Variants in ELP4 observed in about 807,000 individuals in gnomAD.
ELP4 encodes elongator complex protein 4.
In ELP4, 51 loss-of-function variants were observed where a neutral mutation model predicts 48.9. The ratio of observed to expected loss-of-function variants is 1.04; its 90% CI spans 0.83 to 1.32. ELP4 has a LOEUF of 1.32. ELP4 is among the 40% of genes most tolerant of loss of function. ELP4 has a pLI of 0.00. For missense variants in ELP4, 519 were observed against 514.6 expected, an observed-to-expected ratio of 1.01 and a Z score of -0.08; for synonymous variants, 210 against 189.2, an observed-to-expected ratio of 1.11 and a Z score of -0.90.
At chr11:31,547,940 T>C (rs1956764821) in intron 3 of ELP4, among the ~76,000 whole-genome samples, 1 of 152,152 alleles carries the variant, frequency 6.6e-6, no homozygotes, top group Admixed American at 6.5e-5. Context: ...TCAACAACCC[T>C]TCATGCTAAA....
chr11:31,744,436 CAA>C (rs1342429100), intron 9 of ELP4, among the ~76,000 whole-genome samples: 1 of 151,894 alleles, frequency 6.6e-6, no homozygotes. Context: ...AGAGACACAA[CAA>C]AAAAAGAATT....
At chr11:31,629,515 T>C (rs1944814554) in intron 6 of ELP4, among the ~76,000 whole-genome samples, 2 of 152,058 alleles carry the variant, frequency 1.3e-5, no homozygotes, top group Non-Finnish European at 2.9e-5. Context: ...ATTTTTTGGC[T>C]TAATATTTTC....
intron 9 of ELP4, among the ~76,000 whole-genome samples, chr11:31,745,048 G>C (rs921945811): frequency 1.3e-5 from 2 of 152,112 alleles, no homozygotes; most frequent in Non-Finnish European, 2.9e-5. Context: ...AAAGTCTCAG[G>C]ATACAAAATC....
chr11:31,757,496 T>G (rs985126039), intron 9 of ELP4, among the ~76,000 whole-genome samples: 3 of 152,178 alleles, frequency 2.0e-5, no homozygotes, highest in African/African-American at 7.2e-5. Context: ...AAACACAATA[T>G]GCTCCACATC....
At position 31,591,397 on chromosome 11, in the gene ELP4, C is replaced by T. The variant is rs544485939; in HGVS notation, c.382-3373C>T. 1.2e-4 allele frequency among the ~76,000 whole-genome samples: 11 copies of T among 91,482 alleles called. No individual in the cohort carries two copies. The East Asian group carries it at 3.0e-3, about 25-fold the overall frequency. 60.0% of individuals were successfully genotyped at this position (91,482 alleles called of 152,430 possible). A position where few individuals can be genotyped will look rare whatever the true frequency, so the allele number is the denominator to read the frequency against. ...CTCCAGCCTGGGTGACAGAGCGAGA[C>T]TCCATCTCAAAAAAAAAAAAAAAAA... On this transcript the variant is annotated intron_variant, in intron 3 of 9. Coordinates refer to ENST00000640961, the MANE Select transcript of ELP4 (RefSeq NM_019040.5).
chr11:31,529,016 A>G (rs1320682408), intron 2 of ELP4, among the ~76,000 whole-genome samples: 1 of 151,124 alleles, frequency 6.6e-6, no homozygotes, highest in Non-Finnish European at 1.5e-5. Context: ...CTGAAATTAC[A>G]TGAAAATTTG....
chr11:31,736,193 T>G (rs1216391421), intron 9 of ELP4, among the ~76,000 whole-genome samples: 3 of 152,166 alleles, frequency 2.0e-5, no homozygotes, highest in Admixed American at 2.0e-4. Context: ...CTATCTGATC[T>G]TTGACAAACC....
chr11:31,511,915 T>G (rs1956016859), intron 1 of ELP4: 1 of 152,206 alleles, frequency 6.6e-6, no homozygotes, highest in Non-Finnish European at 1.5e-5. Context: ...TTCATTAAGA[T>G]GGTAGAAACA....
intron 9 of ELP4, chr11:31,719,763 A>AG (rs999651930): frequency 4.0e-5 from 12 of 297,690 alleles, no homozygotes; most frequent in Admixed American, 3.5e-4. Flanking sequence ...TGGAGTGGTT[A>AG]GGGGTAAAAT....
At chr11:31,667,750 A>G (rs759793279) in intron 9 of ELP4, among the ~76,000 whole-genome samples, 36 of 152,186 alleles carry the variant, frequency 2.4e-4, no homozygotes, top group Non-Finnish European at 4.1e-4. Flanking sequence ...GAGTACTATG[A>G]AAGTAACTTA....
chr11:31,678,525 GTGTGTGTGTGTGTGTGTATA>G (rs1300012819), intron 9 of ELP4, among the ~76,000 whole-genome samples: 2 of 139,164 alleles, frequency 1.4e-5, no homozygotes, highest in Admixed American at 1.4e-4. Flanking sequence ...GTGTGTGTGT[GTGTGTGTGTGTGTGTGTATA>G]TGTGCATTTT....
rs1392472867 is a variant in ELP4 at position 31,509,910 on chromosome 11, C to A, written c.126C>A (p.Ser42Arg). 1.2e-6 allele frequency: 2 copies of A among 1,613,904 alleles called. No individual in the cohort carries two copies. The highest frequency in any genetic ancestry group is 1.7e-6 in the Non-Finnish European group (2 of 1,180,038). Reference protein sequence around the residue: ...RGPRASVTNDSGPRLVSIAGT... With the variant: ...RGPRASVTNDRGPRLVSIAGT... ...CTAGAGCCAGCGTGACCAACGACAG[C>A]GGCCCTCGACTGGTGTCCATTGCGG... The change falls in exon 1 of 10, where the codon AGC (serine) becomes AGA (arginine). Residue 42 changes from serine to arginine, a missense_variant. Ser to Arg is a moderately radical substitution (Grantham distance 110, BLOSUM62 -1). Transcript: ENST00000640961.
At chr11:31,710,344 G>C (rs556837610) in intron 9 of ELP4, among the ~76,000 whole-genome samples, 6 of 152,288 alleles carry the variant, frequency 3.9e-5, no homozygotes, top group Non-Finnish European at 8.8e-5. Context: ...TGAAATAAGG[G>C]CCGGGCATGG....
chr11:31,754,717 C>T (rs1947796847), intron 9 of ELP4, among the ~76,000 whole-genome samples: 1 of 152,022 alleles, frequency 6.6e-6, no homozygotes, highest in Non-Finnish European at 1.5e-5. Flanking sequence ...CTAAAAAATA[C>T]AAAAATTAGC....
chr11:31,677,013 A>G (rs886685504), intron 9 of ELP4, among the ~76,000 whole-genome samples: 1 of 152,216 alleles, frequency 6.6e-6, no homozygotes, highest in Non-Finnish European at 1.5e-5. Context: ...ATTTCTGACC[A>G]ATATATGCTG....
At chr11:31,639,036 T>C (rs555893548) in intron 7 of ELP4, among the ~76,000 whole-genome samples, 1 of 152,040 alleles carries the variant, frequency 6.6e-6, no homozygotes, top group South Asian at 2.1e-4. Context: ...TTTCAAATGA[T>C]CTTTTTAAAT....
rs541298357 is a variant in ELP4, at chr11:31,652,381, G to A, written c.1143+2160G>A. The A allele has an allele frequency of 2.1e-3, 319 of 151,580 alleles. 3 individuals are homozygous for A. Among genetic ancestry groups the A allele is most frequent in the African/African-American group, 7.3e-3 (302 of 41,428 alleles). 9.4% of individuals were successfully genotyped at this position (151,580 alleles called of 1,614,324 possible). On this transcript the variant is annotated intron_variant, in intron 9 of 9. Coordinates refer to ENST00000640961, the MANE Select transcript of ELP4 (RefSeq NM_019040.5). ...TAATTAGAATAGAATAAAATCATGT[G>A]GTTCACCTAAAAGTAAATGTTTTAA...
At position 31,544,565 on chromosome 11, in the gene ELP4, C is replaced by G. The variant is rs559815127; in HGVS notation, c.381+4782C>G. Among the ~76,000 whole-genome samples the G allele has an allele frequency of 4.0e-3, 612 of 152,318 alleles. 6 individuals carry two copies. Among genetic ancestry groups the G allele is most frequent in the African/African-American group, 0.014 (580 of 41,568 alleles). On this transcript the variant is annotated intron_variant, in intron 3 of 9. Coordinates refer to ENST00000640961, the MANE Select transcript of ELP4 (RefSeq NM_019040.5). The stretch of plus-strand genomic sequence containing the variant: ...GCCTGCCTCTGTAGGCTCCACCTCT[C>G]GGGGCAGGGCACAGACAAACAAAAA...
intron 9 of ELP4, among the ~76,000 whole-genome samples, chr11:31,731,097 T>G (rs1294256080): frequency 6.6e-6 from 1 of 152,200 alleles, no homozygotes; most frequent in African/African-American, 2.4e-5. Context: ...AAAGTCTTTC[T>G]CTGTACAAAG....
Sources: allele counts gnomAD v4.1 joint callset (sites outside exome capture counted in the v4.1 genomes callset), GRCh38; gene constraint gnomAD v4.1.1; transcripts MANE v1.5; gene names NCBI Gene and HGNC (gene_info 2026-07-23, HGNC 2026-07-21).